The following PRDM6 variants were observed in gnomAD, a reference collection of about 807,000 sequenced individuals.
PRDM6 encodes the protein PR/SET domain 6, also known as putative histone-lysine N-methyltransferase PRDM6.
Under a neutral mutation model 60.8 loss-of-function variants are expected in PRDM6, and 25 were observed. The ratio of observed to expected loss-of-function variants is 0.41; its 90% CI spans 0.30 to 0.57. The LOEUF (loss-of-function observed/expected upper bound fraction) is 0.57. Among genes scored for constraint, PRDM6 ranks in the 20% least tolerant of loss-of-function variants. The pLI is 0.27. For synonymous variants in PRDM6, 407 were observed against 357.4 expected (o/e 1.14, Z -1.57); for missense variants, 839 against 821.3 (o/e 1.02, Z -0.26).
chr5:123,175,579 A>G (rs537217066), intron 6 of PRDM6, among the ~76,000 whole-genome samples: 4 of 152,138 alleles, frequency 2.6e-5, no homozygotes, highest in African/African-American at 9.7e-5. Flanking sequence ...CTGTCCTGAA[A>G]TATTTTTCTC....
intron 3 of PRDM6, among the ~76,000 whole-genome samples, chr5:123,137,082 A>G (rs961044724): frequency 6.6e-6 from 1 of 152,220 alleles, no homozygotes; most frequent in African/African-American, 2.4e-5. Context: ...GAGATAATAT[A>G]TGGTGCATCC....
chr5:123,096,590 A>G (rs182687782), intron 2 of PRDM6, among the ~76,000 whole-genome samples: 1 of 152,342 alleles, frequency 6.6e-6, no homozygotes, highest in Admixed American at 6.5e-5. Context: ...TTGATATAGC[A>G]TGAAGTGGTT....
intron 3 of PRDM6, among the ~76,000 whole-genome samples, chr5:123,100,348 G>T (rs932271520): frequency 7.9e-5 from 12 of 152,200 alleles, no homozygotes; most frequent in African/African-American, 2.9e-4. Context: ...GAATGTTTGA[G>T]CTGGGTGACC....
chr5:123,101,830 C>G (rs1479504476), intron 3 of PRDM6, among the ~76,000 whole-genome samples: 1 of 152,186 alleles, frequency 6.6e-6, no homozygotes, highest in Non-Finnish European at 1.5e-5. Flanking sequence ...ACTATGAAAC[C>G]TTTCTTTTCT....
intron 2 of PRDM6, among the ~76,000 whole-genome samples, chr5:123,092,422 G>C (rs925120688): frequency 2.6e-5 from 4 of 152,142 alleles, no homozygotes; most frequent in African/African-American, 4.8e-5. Context: ...CCCTGGCTGT[G>C]TGCTGAGCTC....
chr5:123,181,208 A>G (rs1766151890), intron 7 of PRDM6, among the ~76,000 whole-genome samples: 1 of 152,234 alleles, frequency 6.6e-6, no homozygotes, highest in Admixed American at 6.5e-5. Context: ...GGTGAATGAC[A>G]TTTAGCTGTT....
rs961366560 is a variant in PRDM6 at position 123,188,146 on chromosome 5, C to A, written c.*945C>A. 3 of 152,094 alleles carry A rather than the reference C, an allele frequency of 2.0e-5. No individual in the cohort carries two copies. The highest frequency in any genetic ancestry group is 4.4e-5 in the Non-Finnish European group (3 of 68,016). The allele number at this position is 152,094 out of a possible 1,614,324, so 9.4% of individuals were successfully genotyped here. ...ATAGTGCCAAACCCCATCGTCAAGG[C>A]CCTTTTAGCAATTTTATCTTTCTTC... On this transcript the variant is annotated 3_prime_UTR_variant, in exon 8 of 8. Coordinates refer to ENST00000407847, the MANE Select transcript of PRDM6 (RefSeq NM_001136239.4).
chr5:123,108,542 A>T (rs1415505894), intron 3 of PRDM6, among the ~76,000 whole-genome samples: 5 of 152,148 alleles, frequency 3.3e-5, no homozygotes, highest in African/African-American at 1.2e-4. Flanking sequence ...AAAATACACA[A>T]ATAGTTTCTG....
chr5:123,173,667 A>G (rs1039524844), intron 6 of PRDM6, among the ~76,000 whole-genome samples: 1 of 152,236 alleles, frequency 6.6e-6, no homozygotes, highest in African/African-American at 2.4e-5. Flanking sequence ...AATAAAATAC[A>G]ATGTTTCTTA....
intron 3 of PRDM6, among the ~76,000 whole-genome samples, chr5:123,133,414 A>G (rs932046764): frequency 1.3e-5 from 2 of 152,072 alleles, no homozygotes; most frequent in Non-Finnish European, 2.9e-5. Context: ...GAAGGAAGAA[A>G]ACTTCTAGTA....
Position 123,142,877 on chromosome 5 carries a change from C to CAAAAAAAAA in PRDM6, c.901-12990_901-12982dup. 4.0e-3 allele frequency among the ~76,000 whole-genome samples: 110 copies of CAAAAAAAAA among 27,306 alleles called. 1 individual carries two copies. Among genetic ancestry groups the CAAAAAAAAA allele is most frequent in the Middle Eastern group, 0.045 (1 of 22 alleles). The allele number at this position is 27,306 out of a possible 152,430, so 17.9% of individuals were successfully genotyped here. ...TTCAAAATGAAAGCACAGTGAAGAC[C>CAAAAAAAAA]AAAAAAAAAAAAAAAAAAAAAAAAA... On this transcript the variant is annotated intron_variant, in intron 3 of 7. Coordinates refer to ENST00000407847, the MANE Select transcript of PRDM6 (RefSeq NM_001136239.4).
At chr5:123,181,367 A>C (rs549800182) in intron 7 of PRDM6, among the ~76,000 whole-genome samples, 12 of 152,336 alleles carry the variant, frequency 7.9e-5, no homozygotes, top group African/African-American at 2.9e-4. Context: ...TATCTGGTGG[A>C]AATGATGTTT....
chr5:123,134,163 A>G (rs1170489239), intron 3 of PRDM6, among the ~76,000 whole-genome samples: 3 of 152,106 alleles, frequency 2.0e-5, no homozygotes, highest in Non-Finnish European at 4.4e-5. Context: ...AAAACTCGAA[A>G]TTTATCTGAA....
intron 3 of PRDM6, among the ~76,000 whole-genome samples, chr5:123,128,546 G>A (rs1042446320): frequency 3.3e-5 from 5 of 152,062 alleles, no homozygotes; most frequent in Non-Finnish European, 5.9e-5. Context: ...TTCATGTGTC[G>A]TTTGGCTGCA....
chr5:123,133,760 C>T (rs1764890364), intron 3 of PRDM6, among the ~76,000 whole-genome samples: 1 of 150,020 alleles, frequency 6.7e-6, no homozygotes, highest in Non-Finnish European at 1.5e-5. Context: ...ACAAGTGTGA[C>T]AGCAAATGCA....
At chr5:123,157,756 A>C (rs967343988) in intron 4 of PRDM6, among the ~76,000 whole-genome samples, 1 of 152,226 alleles carries the variant, frequency 6.6e-6, no homozygotes, top group Non-Finnish European at 1.5e-5. Context: ...GTTTAAATTC[A>C]TTCTGTTATG....
chr5:123,132,147 A>G (rs184443378), intron 3 of PRDM6, among the ~76,000 whole-genome samples: 1 of 152,212 alleles, frequency 6.6e-6, no homozygotes, highest in Admixed American at 6.5e-5. Context: ...ATCCTACTTT[A>G]TGTCATACTT....
chr5:123,186,217 GA>G (rs1766285820), intron 7 of PRDM6, among the ~76,000 whole-genome samples: 1 of 152,180 alleles, frequency 6.6e-6, no homozygotes, highest in Admixed American at 6.5e-5. Flanking sequence ...AACATCCACA[GA>G]AAAACAACAG....
intron 3 of PRDM6, among the ~76,000 whole-genome samples, chr5:123,136,297 C>T (rs918653682): frequency 2.0e-5 from 3 of 151,952 alleles, no homozygotes; most frequent in Admixed American, 1.3e-4. Context: ...TACATGGTGA[C>T]CCACCACTTC....
Sources: allele counts gnomAD v4.1 joint callset (sites outside exome capture counted in the v4.1 genomes callset), GRCh38; gene constraint gnomAD v4.1.1; transcripts MANE v1.5; gene names NCBI Gene and HGNC (gene_info 2026-07-23, HGNC 2026-07-21).